The following CCM2L variants were observed in gnomAD, a reference collection of about 807,000 sequenced individuals.
CCM2L encodes the protein CCM2 like scaffold protein.
Under a neutral mutation model 54.1 loss-of-function variants are expected in CCM2L, and 36 were observed. That is an observed-to-expected ratio of 0.67 (90% CI 0.51 to 0.88). CCM2L has a LOEUF of 0.88. Among genes scored for constraint, CCM2L ranks in the 40% least tolerant of loss-of-function variants. The pLI is 0.00. For synonymous variants in CCM2L, 351 were observed against 359.3 expected (o/e 0.98, Z 0.26); for missense variants, 700 against 812.1 (o/e 0.86, Z 1.68).
chr20:32,011,285 T>A (rs2064693025), intron 1 of CCM2L, among the ~76,000 whole-genome samples: 2 of 152,306 alleles, frequency 1.3e-5, no homozygotes, highest in South Asian at 2.1e-4. Flanking sequence ...TTTCTTTTTT[T>A]AAAGCAATAA....
chr20:32,025,082 T>C (rs1404388806), intron 6 of CCM2L, among the ~76,000 whole-genome samples: 1 of 145,910 alleles, frequency 6.9e-6, no homozygotes, highest in African/African-American at 2.8e-5. Context: ...TTTCTTTCTT[T>C]CTCTCTTTCT....
chr20:32,025,232 CTCTT>C (rs886306535), intron 6 of CCM2L, among the ~76,000 whole-genome samples: 5 of 106,878 alleles, frequency 4.7e-5, no homozygotes, highest in Non-Finnish European at 7.8e-5. Flanking sequence ...CTTTCCTTTC[CTCTT>C]TCTTTCTTTC....
At position 32,029,045 on chromosome 20, in the gene CCM2L, CTT is replaced by C. The variant is rs2064892582; in HGVS notation, c.1185_1186del (p.Ser396PhefsTer29). The C allele has an allele frequency of 6.2e-7, 1 of 1,614,024 alleles. No homozygotes were observed. The highest frequency in any genetic ancestry group is 8.5e-7 in the Non-Finnish European group (1 of 1,179,984). ...GCATGTTACAGCGGCACGTCCACAC[CTT>C]CTTTCCATGGCTCCCACTGCAGCGG... is the stretch of plus-strand genomic sequence containing the variant. On this transcript the variant is annotated frameshift_variant, in exon 8 of 10. Coordinates refer to ENST00000452892, the MANE Select transcript of CCM2L (RefSeq NM_001365692.1). LOFTEE classifies it high-confidence loss of function.
intron 6 of CCM2L, 87 bp downstream of exon 6, chr20:32,022,882 G>T: frequency 6.7e-7 from 1 of 1,494,146 alleles, no homozygotes. Context: ...TTGGGCTGAT[G>T]AAGGTATTTA....
intron 5 of CCM2L, among the ~76,000 whole-genome samples, chr20:32,020,930 C>T (rs1409695415): frequency 1.3e-5 from 2 of 152,142 alleles, no homozygotes; most frequent in Non-Finnish European, 2.9e-5. Flanking sequence ...CGCACCACTG[C>T]ACTCCAGCCT....
rs1334969969 is a variant in CCM2L, at chr20:32,031,205, A to C, written c.1607A>C (p.Asp536Ala). 2 of 1,301,318 alleles carry C rather than the reference A, an allele frequency of 1.5e-6. No individual in the cohort carries two copies. Among genetic ancestry groups the C allele is most frequent in the Non-Finnish European group, 2.0e-6 (2 of 988,558 alleles). The allele number at this position is 1,301,318 out of a possible 1,614,324, so 80.6% of individuals were successfully genotyped here. A position where few individuals can be genotyped will look rare whatever the true frequency, so the allele number is the denominator to read the frequency against. The change falls in exon 10 of 10, where the codon GAC becomes GCC. Residue 536 changes from aspartate (D) to alanine (A), a missense_variant. Asp to Ala is a moderately radical substitution (Grantham distance 126). Coordinates refer to ENST00000452892, the MANE Select transcript of CCM2L (RefSeq NM_001365692.1). ...EAQAFHRLLA[D>A]ITHDIEALAP... ...CAGGCCTTCCACCGGCTGCTGGCTG[A>C]CATCACGCACGACATCGAGGCGCTG...
intron 7 of CCM2L, 30 bp downstream of exon 7, chr20:32,025,949 C>T: frequency 1.5e-6 from 2 of 1,297,872 alleles, no homozygotes; most frequent in Non-Finnish European, 2.0e-6. Context: ...GGGACTCCAC[C>T]CTGCTCCCCT....
chr20:32,015,328 T>A, intron 2 of CCM2L, among the ~76,000 whole-genome samples: 1 of 151,992 alleles, frequency 6.6e-6, no homozygotes, highest in Non-Finnish European at 1.5e-5. Context: ...GTTCTGTGCG[T>A]GGAAAAGTCC....
chr20:32,019,363 G>A lies in CCM2L; in HGVS notation c.887G>A (p.Ser296Asn). The change falls in exon 5 of 10, where the codon AGC (serine) becomes AAC (asparagine). Residue 296 changes from serine to asparagine, a missense_variant. Coordinates refer to ENST00000452892, the MANE Select transcript of CCM2L (RefSeq NM_001365692.1). ...GPNPLDPQDP[S>N]PDAYCNLVIL... is the part of the protein sequence containing the mutation. ...AACCCGCTCGACCCGCAGGACCCCAGCCCCGACGCCTACTGCAACCTGGTC... is the reference window on the plus strand; with the variant it reads ...AACCCGCTCGACCCGCAGGACCCCAACCCCGACGCCTACTGCAACCTGGTC... The A allele has an allele frequency of 2.6e-6, 4 of 1,517,264 alleles. No individual in the cohort carries two copies. Among genetic ancestry groups the A allele is most frequent in the Non-Finnish European group, 2.6e-6 (3 of 1,140,266 alleles). 94.0% of individuals were successfully genotyped at this position (1,517,264 alleles called of 1,614,324 possible). A position where few individuals can be genotyped will look rare whatever the true frequency, so the allele number is the denominator to read the frequency against.
rs772325324 is a variant in CCM2L, at chr20:32,012,245, C to G, written c.30+1761C>G. On this transcript the variant is annotated intron_variant, in intron 1 of 9. Transcript: ENST00000452892. Reference sequence around the variant, plus strand: ...TACCCCCAGTTTCTGGGCCAATAGGCCTGGGATGGGGTTCAAGAAATTGCA... The same window carrying G: ...TACCCCCAGTTTCTGGGCCAATAGGGCTGGGATGGGGTTCAAGAAATTGCA... Among the ~76,000 whole-genome samples, 3 of 152,188 alleles carry G rather than the reference C, an allele frequency of 2.0e-5. No individual in the cohort carries two copies. In the South Asian group the frequency reaches 6.2e-4, roughly 32 times the overall value.
Position 32,022,800 on chromosome 20 carries a change from G to T in CCM2L, c.1069+5G>T. Reference sequence around the variant, plus strand: ...GGCCATGGCTCTGCAGCCGCAGTGAGTACCAGAACTCCTGGCCTCCCCTCC... The same window carrying T: ...GGCCATGGCTCTGCAGCCGCAGTGATTACCAGAACTCCTGGCCTCCCCTCC... On this transcript the variant is annotated splice_donor_5th_base_variant and intron_variant, in intron 6 of 9. Coordinates refer to ENST00000452892, the MANE Select transcript of CCM2L (RefSeq NM_001365692.1). 1 of 1,612,558 alleles carries T rather than the reference G, an allele frequency of 6.2e-7. No homozygotes were observed. The highest frequency in any genetic ancestry group is 1.1e-5 in the South Asian group (1 of 90,992).
intron 2 of CCM2L, among the ~76,000 whole-genome samples, chr20:32,017,325 T>A (rs2064748868): frequency 6.6e-6 from 1 of 152,226 alleles, no homozygotes; most frequent in Admixed American, 6.5e-5. Flanking sequence ...GGCAAGTGAT[T>A]TGCAATTCCT....
At position 32,019,406 on chromosome 20, in the gene CCM2L, C is replaced by T. The variant is rs749137646; in HGVS notation, c.930C>T (p.Asn310=). The stretch of plus-strand genomic sequence containing the variant: ...ACCTGGTCATCCTGGCTGTAGCCAA[C>T]AGGGTGAGCCCGAGGGCAGCCTGCT... ...YCNLVILAVA[N]RDAAEESCAL... The change falls in exon 5 of 10, where the codon AAC becomes AAT. Residue 310 remains asparagine (N), a synonymous_variant. Coordinates refer to ENST00000452892, the MANE Select transcript of CCM2L (RefSeq NM_001365692.1). 1.0e-4 allele frequency: 158 copies of T among 1,525,166 alleles called. No individual in the cohort carries two copies. Among genetic ancestry groups the T allele is most frequent in the Non-Finnish European group, 9.8e-5 (112 of 1,144,456 alleles). The allele number at this position is 1,525,166 out of a possible 1,614,324, so 94.5% of individuals were successfully genotyped here. A position where few individuals can be genotyped will look rare whatever the true frequency, so the allele number is the denominator to read the frequency against.
rs749268099 is a variant in CCM2L at position 32,019,232 on chromosome 20, A to AGGCGGC, written c.773_778dup (p.Gly258_Gly259dup). 1,598 of 1,153,770 alleles carry AGGCGGC rather than the reference A, an allele frequency of 1.4e-3. 6 individuals carry two copies. Among genetic ancestry groups the AGGCGGC allele is most frequent in the South Asian group, 9.5e-3 (223 of 23,394 alleles). 71.5% of individuals were successfully genotyped at this position (1,153,770 alleles called of 1,614,324 possible). On this transcript the variant is annotated inframe_insertion, in exon 5 of 10. Coordinates refer to ENST00000452892, the MANE Select transcript of CCM2L (RefSeq NM_001365692.1). ...GCGGCAGCTGGGAGCGGCGGCACGG[A>AGGCGGC]GGCGGCGGCGGCGGCGGCGGCGCGG...
intron 2 of CCM2L, among the ~76,000 whole-genome samples, chr20:32,016,519 G>A (rs1156818227): frequency 1.3e-5 from 2 of 152,048 alleles, no homozygotes; most frequent in African/African-American, 4.8e-5. Context: ...AGCTGGGTGT[G>A]GTGGTGGGTG....
chr20:32,023,805 C>T (rs1280223644), intron 6 of CCM2L, among the ~76,000 whole-genome samples: 3 of 152,248 alleles, frequency 2.0e-5, no homozygotes, highest in Admixed American at 1.3e-4. Context: ...GATCTCGGCT[C>T]ATTGCAACCT....
rs755437571 is a variant in CCM2L, at chr20:32,018,149, A to G, written c.453A>G (p.Leu151=). 9.2e-6 allele frequency: 13 copies of G among 1,415,180 alleles called. No homozygotes were observed. Among genetic ancestry groups the G allele is most frequent in the Non-Finnish European group, 1.2e-5 (13 of 1,064,100 alleles). The allele number at this position is 1,415,180 out of a possible 1,614,324, so 87.7% of individuals were successfully genotyped here. A position where few individuals can be genotyped will look rare whatever the true frequency, so the allele number is the denominator to read the frequency against. Residue 151 remains leucine (L), a synonymous_variant, in exon 4 of 10, where the codon CTA becomes CTG. Transcript: ENST00000452892. ...SYLQDDALHL[L]VLKTGLGVDP... is the part of the protein sequence containing the mutation. ...TGCAGGACGACGCGCTGCACCTGCT[A>G]GTGCTCAAGACCGGTGCGGCGGGAG...
rs1362965028 is a variant in CCM2L at position 32,031,395 on chromosome 20, C to G, written c.*81C>G. On this transcript the variant is annotated 3_prime_UTR_variant, in exon 10 of 10. Coordinates refer to ENST00000452892, the MANE Select transcript of CCM2L (RefSeq NM_001365692.1). Reference sequence around the variant, plus strand: ...CTTCGGGGACCCTATCCCCAGGGCCCCCCCATCACACCTGGCGGGGCCGGG... The same window carrying G: ...CTTCGGGGACCCTATCCCCAGGGCCGCCCCATCACACCTGGCGGGGCCGGG... 7.8e-6 allele frequency: 9 copies of G among 1,147,918 alleles called. No homozygotes were observed. The highest frequency in any genetic ancestry group is 1.0e-5 in the Non-Finnish European group (9 of 901,546). 71.1% of individuals were successfully genotyped at this position (1,147,918 alleles called of 1,614,324 possible).
chr20:32,010,679 T>C (rs2064685740), intron 1 of CCM2L, among the ~76,000 whole-genome samples, 195 bp downstream of exon 1: 1 of 152,124 alleles, frequency 6.6e-6, no homozygotes, highest in African/African-American at 2.4e-5. Flanking sequence ...CCACTCTCAG[T>C]GGCCTCTGGC....
Sources: gnomAD v4.1 joint callset for allele counts (sites outside exome capture counted in the v4.1 genomes callset) on GRCh38, gnomAD v4.1.1 for gene constraint, MANE v1.5 for transcripts, NCBI Gene and HGNC (gene_info 2026-07-23, HGNC 2026-07-21) for gene names.